TSC22D1: variants seen among roughly 807,000 people sequenced by gnomAD.
The protein encoded by TSC22D1 is TSC22 domain family member 1.
Under a neutral mutation model 74.2 loss-of-function variants are expected in TSC22D1, and 9 were observed. The ratio of observed to expected loss-of-function variants is 0.12; its 90% CI spans 0.07 to 0.21. TSC22D1 has a LOEUF of 0.21. TSC22D1 is among the 10% of genes least tolerant of loss of function. The pLI is 1.00. For missense variants in TSC22D1, 1,427 were observed against 1,304.7 expected, an observed-to-expected ratio of 1.09 and a Z score of -1.44; for synonymous variants, 586 against 492.5, an observed-to-expected ratio of 1.19 and a Z score of -2.51.
intron 1 of TSC22D1, among the ~76,000 whole-genome samples, chr13:44,489,122 GAA>G (rs1287061835): frequency 1.3e-5 from 2 of 149,750 alleles, no homozygotes; most frequent in Non-Finnish European, 3.0e-5. Context: ...CAAAAAAAGA[GAA>G]AGTCTTTTCA....
intron 1 of TSC22D1, among the ~76,000 whole-genome samples, chr13:44,541,827 T>C (rs182383024): frequency 3.9e-5 from 6 of 152,204 alleles, no homozygotes; most frequent in Non-Finnish European, 8.8e-5. Context: ...AGTGGCTCTT[T>C]AACAGAGGAA....
chr13:44,432,677 G>GAA lies in TSC22D1; in HGVS notation c.*1947_*1948dup, dbSNP rs1216346627. On this transcript the variant is annotated 3_prime_UTR_variant, in exon 3 of 3. Coordinates refer to ENST00000458659, the MANE Select transcript of TSC22D1 (RefSeq NM_183422.4). Reference sequence around the variant, plus strand: ...CCCACCAGCTCTAGATGAGAGAAATGAATGATTCAGAAAGTTTGTCCTTGT... The same window carrying GAA: ...CCCACCAGCTCTAGATGAGAGAAATGAAAATGATTCAGAAAGTTTGTCCTTGT... 2.6e-5 allele frequency: 4 copies of GAA among 152,072 alleles called. No homozygotes were observed. Among genetic ancestry groups the GAA allele is most frequent in the Non-Finnish European group, 1.5e-5 (1 of 68,014 alleles). The allele number at this position is 152,072 out of a possible 1,614,324, so 9.4% of individuals were successfully genotyped here. A position where few individuals can be genotyped will look rare whatever the true frequency, so the allele number is the denominator to read the frequency against.
chr13:44,574,236 TGGA>T lies in TSC22D1; in HGVS notation c.1836_1838del (p.Pro613del). On this transcript the variant is annotated inframe_deletion, in exon 1 of 3. Coordinates refer to ENST00000458659, the MANE Select transcript of TSC22D1 (RefSeq NM_183422.4). ...GTGCCCCTGGAAGGGGAGTTTGCAC[TGGA>T]GGAGCCGCCTGAGAATATGGTAGCT... 2.5e-6 allele frequency: 4 copies of T among 1,614,204 alleles called. No homozygotes were observed. Among genetic ancestry groups the T allele is most frequent in the Non-Finnish European group, 3.4e-6 (4 of 1,180,032 alleles).
intron 1 of TSC22D1, among the ~76,000 whole-genome samples, chr13:44,533,963 C>A (rs1239801475): frequency 6.6e-6 from 1 of 152,008 alleles, no homozygotes; most frequent in Admixed American, 6.6e-5. Flanking sequence ...TTAAGAAAAG[C>A]CAGGCCAGGA....
chr13:44,502,028 A>T (rs1273802047), intron 1 of TSC22D1, among the ~76,000 whole-genome samples: 1 of 152,090 alleles, frequency 6.6e-6, no homozygotes, highest in African/African-American at 2.4e-5. Flanking sequence ...TCCATTCACC[A>T]TCTCTTTCTC....
chr13:44,561,856 T>C (rs953384925), intron 1 of TSC22D1, among the ~76,000 whole-genome samples: 11 of 152,148 alleles, frequency 7.2e-5, no homozygotes, highest in Admixed American at 5.2e-4. Context: ...ACAGGAGTAA[T>C]AGAAGGAATC....
chr13:44,564,265 T>G (rs868772260), intron 1 of TSC22D1, among the ~76,000 whole-genome samples: 2 of 152,186 alleles, frequency 1.3e-5, no homozygotes. Flanking sequence ...AAATAGGCTT[T>G]GAATATATGC....
At chr13:44,567,729 T>C (rs1410656575) in intron 1 of TSC22D1, among the ~76,000 whole-genome samples, 2 of 151,734 alleles carry the variant, frequency 1.3e-5, no homozygotes, top group African/African-American at 4.8e-5. Flanking sequence ...GTCAAGAAGG[T>C]CCGTTATCCA....
chr13:44,531,254 C>T (rs1880819991), intron 1 of TSC22D1, among the ~76,000 whole-genome samples: 1 of 152,086 alleles, frequency 6.6e-6, no homozygotes, highest in Non-Finnish European at 1.5e-5. Context: ...GTCAACTATT[C>T]CATAAATGTA....
Position 44,573,332 on chromosome 13 carries a change from G to A in TSC22D1, c.2743C>T (p.Arg915Cys), listed in dbSNP as rs139598125. ...CCAACTAAGGAGGGCTCCGCTGCAC[G>A]CCTGGCATCTTCAATTTGGCTTCCA... ...AIGSQIEDARRAAEPSLVGLP... is the reference protein window; with the variant it reads ...AIGSQIEDARCAAEPSLVGLP... The change falls in exon 1 of 3, where the codon CGT becomes TGT. Residue 915 changes from arginine to cysteine, a missense_variant. Arg to Cys is a radical substitution (Grantham distance 180). Transcript: ENST00000458659. The A allele has an allele frequency of 9.9e-6, 16 of 1,614,126 alleles. No homozygotes were observed. Among genetic ancestry groups the A allele is most frequent in the Admixed American group, 5.0e-5 (3 of 60,008 alleles).
intron 1 of TSC22D1, among the ~76,000 whole-genome samples, chr13:44,563,228 C>A (rs1883164022): frequency 6.6e-6 from 1 of 151,960 alleles, no homozygotes; most frequent in South Asian, 2.1e-4. Flanking sequence ...GGGGTTGTTA[C>A]CCCCTTTTTC....
chr13:44,451,021 G>C (rs139539902), intron 1 of TSC22D1, among the ~76,000 whole-genome samples: 139 of 152,310 alleles, frequency 9.1e-4, no homozygotes, highest in Non-Finnish European at 1.5e-3. Flanking sequence ...TGGGAGAGTA[G>C]CCTCTACCCA....
chr13:44,554,392 T>C (rs1033046461), intron 1 of TSC22D1, among the ~76,000 whole-genome samples: 2 of 152,210 alleles, frequency 1.3e-5, no homozygotes, highest in African/African-American at 4.8e-5. Context: ...AAAACTGTCA[T>C]GTATACCATA....
At chr13:44,549,301 T>TG (rs1366823528) in intron 1 of TSC22D1, among the ~76,000 whole-genome samples, 3 of 152,234 alleles carry the variant, frequency 2.0e-5, no homozygotes, top group Non-Finnish European at 2.9e-5. Flanking sequence ...ATCAATAAAG[T>TG]GGGGTAGGTT....
Position 44,475,664 on chromosome 13 carries a change from ATG to A in TSC22D1, c.2913-39571_2913-39570del, listed in dbSNP as rs574621314. ...AAGCAGTATCAGGAACGAAAAAAAT[ATG>A]TAACCATAATTTAAGAGATATAGAT... On this transcript the variant is annotated intron_variant, in intron 1 of 2. Coordinates refer to ENST00000458659, the MANE Select transcript of TSC22D1 (RefSeq NM_183422.4). 1.3e-3 allele frequency among the ~76,000 whole-genome samples: 203 copies of A among 152,308 alleles called. 1 individual carries two copies. The highest frequency in any genetic ancestry group is 4.5e-3 in the African/African-American group (188 of 41,580).
At chr13:44,490,790 G>A (rs1281789306) in intron 1 of TSC22D1, among the ~76,000 whole-genome samples, 2 of 151,758 alleles carry the variant, frequency 1.3e-5, no homozygotes, top group Non-Finnish European at 2.9e-5. Flanking sequence ...CCAGCTACTC[G>A]GGAGGCTGAG....
chr13:44,468,400 C>T (rs1877416655), intron 1 of TSC22D1, among the ~76,000 whole-genome samples: 1 of 140,920 alleles, frequency 7.1e-6, no homozygotes, highest in Non-Finnish European at 1.6e-5. Context: ...AAGCTGCTAC[C>T]ATTTATTCAG....
At chr13:44,544,853 T>TG (rs1881718852) in intron 1 of TSC22D1, among the ~76,000 whole-genome samples, 1 of 152,282 alleles carries the variant, frequency 6.6e-6, no homozygotes, top group African/African-American at 2.4e-5. Flanking sequence ...AATGTGTTCA[T>TG]GCTCCACTGA....
At chr13:44,447,802 T>C (rs373183999) in intron 1 of TSC22D1, among the ~76,000 whole-genome samples, 11 of 151,044 alleles carry the variant, frequency 7.3e-5, no homozygotes, top group Admixed American at 5.9e-4. Context: ...CAAAAGAATA[T>C]CTATAATGCT....
Sources: gnomAD v4.1 joint callset for allele counts (sites outside exome capture counted in the v4.1 genomes callset) on GRCh38, gnomAD v4.1.1 for gene constraint, MANE v1.5 for transcripts, NCBI Gene and HGNC (gene_info 2026-07-23, HGNC 2026-07-21) for gene names.